The following RAB3A variants were observed in gnomAD, a reference collection of about 807,000 sequenced individuals.
RAB3A encodes the protein RAB3A, member RAS oncogene family, also known as ras-related protein Rab-3A.
In RAB3A, 5 loss-of-function variants were observed where a neutral mutation model predicts 19.7. The ratio of observed to expected loss-of-function variants is 0.25; its 90% CI spans 0.13 to 0.53. The LOEUF (loss-of-function observed/expected upper bound fraction) is 0.53. Ranked by LOEUF, RAB3A falls within the 20% of genes least tolerant of loss-of-function variation. The pLI, the probability that RAB3A is intolerant of heterozygous loss-of-function variation, is 0.95. For synonymous variants in RAB3A, 119 were observed against 122.1 expected (o/e 0.97, Z 0.17); for missense variants, 189 against 305.6 (o/e 0.62, Z 2.85).
At position 18,202,838 on chromosome 19, in the gene RAB3A, C is replaced by T. The variant is rs1281444499; in HGVS notation, c.1-98G>A. ...GATGGCAAGGGCTCCAGAAAACGGC[C>T]GGTGTATGGAGGACACCCTTATCCC... On this transcript the variant is annotated intron_variant, in intron 1 of 4. Coordinates refer to ENST00000222256, the MANE Select transcript of RAB3A (RefSeq NM_002866.5). This position sits in a 1 kb window ranked among gnomAD's most constrained non-coding sequence, Gnocchi z 4.2. 6 of 939,774 alleles carry T rather than the reference C, an allele frequency of 6.4e-6. No individual in the cohort carries two copies. The highest frequency in any genetic ancestry group is 2.4e-5 in the East Asian group (1 of 41,216). 58.2% of individuals were successfully genotyped at this position (939,774 alleles called of 1,614,324 possible). A position where few individuals can be genotyped will look rare whatever the true frequency, so the allele number is the denominator to read the frequency against.
Position 18,202,604 on chromosome 19 carries a change from G to T in RAB3A, c.137C>A (p.Ser46Ter). The change falls in exon 2 of 5, where the codon TCG becomes TAG. Residue 46 changes from serine (S) to a stop codon, truncating the protein, a stop_gained. Transcript: ENST00000222256. LOFTEE classifies it high-confidence loss of function. The surrounding 1 kb of genome is among the most constrained non-coding windows in gnomAD (Gnocchi z 4.2). ...GGTGCTGACGAAGGCAGGCGTGAAC[G>T]AGTCGTCAGCATAGCGGAAGAGGAA... ...TSFLFRYADD[S>*]FTPAFVSTVG... 2 of 1,614,186 alleles carry T rather than the reference G, an allele frequency of 1.2e-6. No homozygotes were observed. The highest frequency in any genetic ancestry group is 1.7e-6 in the Non-Finnish European group (2 of 1,180,038).
intron 1 of RAB3A, among the ~76,000 whole-genome samples, chr19:18,203,227 G>A (rs184014913): frequency 7.9e-5 from 12 of 152,324 alleles, no homozygotes; most frequent in African/African-American, 2.9e-4. Flanking sequence ...ATACAGGAGG[G>A]GCATGCACAC....
intron 2 of RAB3A, among the ~76,000 whole-genome samples, chr19:18,201,249 CAAA>C (rs111370852): frequency 1.2e-3 from 136 of 113,248 alleles, no homozygotes; most frequent in African/African-American, 2.0e-3. Context: ...ACAATAACAA[CAAA>C]AAAAAAAAAA....
chr19:18,200,561 G>A, intron 2 of RAB3A, 116 bp from the exon 3 acceptor site: 5 of 810,312 alleles, frequency 6.2e-6, no homozygotes, highest in Non-Finnish European at 9.9e-6. Flanking sequence ...TTGCCCAGGG[G>A]CACAAAGTGT....
At chr19:18,201,624 C>A (rs1028374653) in intron 2 of RAB3A, among the ~76,000 whole-genome samples, 1 of 152,028 alleles carries the variant, frequency 6.6e-6, no homozygotes, top group Admixed American at 6.6e-5. Flanking sequence ...ATGGACTGGG[C>A]ACTGATCTTT....
In RAB3A at chr19:18,202,545, G is replaced by A; in HGVS notation, c.196C>T (p.Arg66Cys). The A allele has an allele frequency of 1.2e-6, 2 of 1,614,172 alleles. No homozygotes were observed. Among genetic ancestry groups the A allele is most frequent in the Non-Finnish European group, 1.7e-6 (2 of 1,180,018 alleles). Residue 66 changes from arginine to cysteine, a missense_variant, in exon 2 of 5, where the codon CGC becomes TGC. By Grantham distance (180) the Arg-to-Cys change is radical (BLOSUM62 -3). Coordinates refer to ENST00000222256, the MANE Select transcript of RAB3A (RefSeq NM_002866.5). The surrounding 1 kb of genome is among the most constrained non-coding windows in gnomAD (Gnocchi z 4.2). The part of the protein sequence containing the change: ...GIDFKVKTIY[R>C]NDKRIKLQIW... ...TGCAGCTTGATCCTCTTGTCGTTGC[G>A]ATAGATGGTCTTGACCTTGAAGTCG...
At chr19:18,201,263 A>AAAGAAAGAAAGAAAGAAAGAAAG (rs1555819264) in intron 2 of RAB3A, among the ~76,000 whole-genome samples, 2 of 121,778 alleles carry the variant, frequency 1.6e-5, no homozygotes, top group East Asian at 2.4e-4. Flanking sequence ...AAAAAAAAAA[A>AAAGAAAGAAAGAAAGAAAGAAAG]AAAGAAAGAA....
Position 18,202,642 on chromosome 19 carries a change from C to G in RAB3A, c.99G>C (p.Val33=), listed in dbSNP as rs776869984. 6.2e-7 allele frequency: 1 copy of G among 1,614,154 alleles called. No individual in the cohort carries two copies. Among genetic ancestry groups the G allele is most frequent in the Non-Finnish European group, 8.5e-7 (1 of 1,180,030 alleles). ...FKILIIGNSS[V]GKTSFLFRYA... is the part of the protein sequence containing the mutation. ...AGCGGAAGAGGAAGGACGTCTTGCCCACGCTGCTGTTGCCGATGATGAGAA... is the reference window on the plus strand; with the variant it reads ...AGCGGAAGAGGAAGGACGTCTTGCCGACGCTGCTGTTGCCGATGATGAGAA... The change falls in exon 2 of 5, where the codon GTG becomes GTC. Residue 33 remains valine (V), a synonymous_variant. Coordinates refer to ENST00000222256, the MANE Select transcript of RAB3A (RefSeq NM_002866.5). The surrounding 1 kb of genome is among the most constrained non-coding windows in gnomAD (Gnocchi z 4.2).
In RAB3A at chr19:18,202,203, A is replaced by T. The variant is rs1967623255; in HGVS notation, c.228+310T>A. The T allele has an allele frequency of 3.4e-6, 1 of 296,690 alleles. No homozygotes were observed. The highest frequency in any genetic ancestry group is 2.2e-5 in the African/African-American group (1 of 46,380). 18.4% of individuals were successfully genotyped at this position (296,690 alleles called of 1,614,324 possible). On this transcript the variant is annotated intron_variant, in intron 2 of 4. Transcript: ENST00000222256. This position sits in a 1 kb window ranked among gnomAD's most constrained non-coding sequence, Gnocchi z 4.2. ...AGCCGTGATCACGTAACTGCATTCC[A>T]GCCTAGGGGACAGAGCAAGACCACC...
chr19:18,197,713 C>A, intron 4 of RAB3A, 53 bp from the exon 5 acceptor site: 1 of 1,455,600 alleles, frequency 6.9e-7, no homozygotes, highest in South Asian at 1.3e-5. Context: ...TATGCCAACT[C>A]CCAGAGATGC....
Position 18,200,464 on chromosome 19 carries a change from AG to A in RAB3A, c.229-20del. On this transcript the variant is annotated intron_variant, in intron 2 of 4. Transcript: ENST00000222256. ...CTGTGTCCTAGGGAGGAAGAGATGA[AG>A]GTCAGAGAGGACCTGCACATAAGGC... 1 of 1,587,620 alleles carries A rather than the reference AG, an allele frequency of 6.3e-7. No homozygotes were observed. The highest frequency in any genetic ancestry group is 1.3e-5 in the African/African-American group (1 of 74,096).
Position 18,202,963 on chromosome 19 carries a change from A to T in RAB3A, c.1-223T>A. On this transcript the variant is annotated intron_variant, in intron 1 of 4. Coordinates refer to ENST00000222256, the MANE Select transcript of RAB3A (RefSeq NM_002866.5). This position sits in a 1 kb window ranked among gnomAD's most constrained non-coding sequence, Gnocchi z 4.2. ...AGAGGAGGGGCTCAGAGGGTTGCCG[A>T]TGGGGACACCCCAGCAGCCCCCTTC... 1.9e-6 allele frequency: 1 copy of T among 530,468 alleles called. No homozygotes were observed. Among genetic ancestry groups the T allele is most frequent in the South Asian group, 2.2e-5 (1 of 46,290 alleles). The allele number at this position is 530,468 out of a possible 1,614,324, so 32.9% of individuals were successfully genotyped here.
At chr19:18,198,996 G>A in intron 3 of RAB3A, 147 bp from the exon 4 acceptor site, 3 of 1,022,354 alleles carry the variant, frequency 2.9e-6, no homozygotes, top group South Asian at 1.8e-5. Context: ...TTCCCCCAAT[G>A]TGCCCCGCTT....
At chr19:18,199,820 G>A (rs1009772536) in intron 3 of RAB3A, among the ~76,000 whole-genome samples, 16 of 151,798 alleles carry the variant, frequency 1.1e-4, no homozygotes, top group African/African-American at 2.9e-4. Context: ...CACCGTGCCC[G>A]GCCATGCCAA....
chr19:18,203,160 C>G (rs1486746422), intron 1 of RAB3A, among the ~76,000 whole-genome samples: 1 of 152,204 alleles, frequency 6.6e-6, no homozygotes, highest in East Asian at 1.9e-4. Context: ...TCTGCAGCCC[C>G]CGCTCCCCGC....
chr19:18,198,553 G>C (rs1391374233), intron 4 of RAB3A, among the ~76,000 whole-genome samples, 172 bp downstream of exon 4: 1 of 152,108 alleles, frequency 6.6e-6, no homozygotes, highest in Non-Finnish European at 1.5e-5. Flanking sequence ...TTTCTGCATG[G>C]CAAACTCCTA....
intron 2 of RAB3A, among the ~76,000 whole-genome samples, chr19:18,201,589 AAAAC>A (rs539453199): frequency 7.3e-4 from 111 of 152,274 alleles, no homozygotes; most frequent in Admixed American, 2.9e-3. Context: ...TCTGTCTCAA[AAAAC>A]AAACAAACAA....
intron 1 of RAB3A, among the ~76,000 whole-genome samples, chr19:18,203,045 G>T (rs1024068864): frequency 2.0e-5 from 3 of 152,314 alleles, no homozygotes; most frequent in African/African-American, 4.8e-5. Context: ...GAGCCCGGAG[G>T]GGGTGACTGC....
Position 18,202,391 on chromosome 19 carries a change from G to A in RAB3A, c.228+122C>T. 1 of 882,918 alleles carries A rather than the reference G, an allele frequency of 1.1e-6. No homozygotes were observed. Among genetic ancestry groups the A allele is most frequent in the African/African-American group, 1.7e-5 (1 of 60,358 alleles). 54.7% of individuals were successfully genotyped at this position (882,918 alleles called of 1,614,324 possible). The stretch of plus-strand genomic sequence containing the variant: ...CCCGGTACACAGTGGGCACCTTACT[G>A]ATAAATGCCCAGTGTGTAAGTGAAT... On this transcript the variant is annotated intron_variant, in intron 2 of 4. Coordinates refer to ENST00000222256, the MANE Select transcript of RAB3A (RefSeq NM_002866.5). The surrounding 1 kb of genome is among the most constrained non-coding windows in gnomAD (Gnocchi z 4.2).
Sources: allele counts gnomAD v4.1 joint callset (sites outside exome capture counted in the v4.1 genomes callset), GRCh38; gene constraint gnomAD v4.1.1; non-coding constraint Gnocchi (gnomAD v3.1); transcripts MANE v1.5; gene names NCBI Gene and HGNC (gene_info 2026-07-23, HGNC 2026-07-21).